Variants in TENM2 observed in about 807,000 individuals in gnomAD.
TENM2 encodes the protein teneurin-2.
Under a neutral mutation model 245.2 loss-of-function variants are expected in TENM2, and 52 were observed. That is an observed-to-expected ratio of 0.21 (90% CI 0.17 to 0.27). The LOEUF is 0.27. Ranked by LOEUF, TENM2 falls within the 10% of genes least tolerant of loss-of-function variation. TENM2 has a pLI of 1.00. For synonymous variants in TENM2, 1,363 were observed against 1,438.9 expected (o/e 0.95, Z 1.19); for missense variants, 3,046 against 3,666.8 (o/e 0.83, Z 4.37).
rs377267114 is a variant in TENM2, at chr5:167,415,538, G to A, written c.502+40065G>A. On this transcript the variant is annotated intron_variant, in intron 2 of 28. Coordinates refer to ENST00000518659, the Ensembl canonical transcript of TENM2. ...CCATTCTTGAATGGCTTACTTTGCA[G>A]TTAATCATAGAACTCTGATTTCTCT... Among the ~76,000 whole-genome samples the A allele has an allele frequency of 5.9e-5, 9 of 152,150 alleles. No homozygotes were observed. The South Asian group carries it at 1.9e-3, about 32-fold the overall frequency.
intron 2 of TENM2, among the ~76,000 whole-genome samples, chr5:167,393,110 A>G (rs1326571048): frequency 2.6e-5 from 4 of 151,584 alleles, no homozygotes; most frequent in Non-Finnish European, 5.9e-5. Flanking sequence ...CGACAGAGCA[A>G]GACTCCATCT....
At chr5:167,929,111 AAGAAAGAAAGAAAG>A (rs1778063959) in intron 3 of TENM2, among the ~76,000 whole-genome samples, 1 of 142,396 alleles carries the variant, frequency 7.0e-6, no homozygotes, top group African/African-American at 2.7e-5. Flanking sequence ...GAAAGAAAGA[AAGAAAGAAAGAAAG>A]AAAGAAAAGA....
chr5:167,728,956 A>G (rs1432416900), intron 2 of TENM2: 1 of 152,264 alleles, frequency 6.6e-6, no homozygotes, highest in Non-Finnish European at 1.5e-5. Flanking sequence ...CTACGAAGGC[A>G]AACACTTGTC....
chr5:167,281,129 A>G (rs11738027), upstream of TENM2, among the ~76,000 whole-genome samples: 133,654 of 149,378 alleles, frequency 0.89, 60,173 homozygotes, highest in East Asian at 0.98. Flanking sequence ...TTTTTTTTGA[A>G]ATGGAGTCTC....
chr5:167,698,682 T>G lies in TENM2; in HGVS notation c.503-177304T>G, dbSNP rs1420749341. Among the ~76,000 whole-genome samples the G allele has an allele frequency of 2.4e-5, 3 of 125,804 alleles. No individual in the cohort carries two copies. In the East Asian group the frequency reaches 9.7e-4, roughly 41 times the overall value. The allele number at this position is 125,804 out of a possible 152,430, so 82.5% of individuals were successfully genotyped here. On this transcript the variant is annotated intron_variant, in intron 2 of 28. Coordinates refer to ENST00000518659, the Ensembl canonical transcript of TENM2. ...TGTGTGTTTTGTTTTGTTTTTTGTT[T>G]TTTTTTTTTTTTTTTTTTTGAGACA...
chr5:167,295,923 C>T (rs113249044), intron 1 of TENM2, among the ~76,000 whole-genome samples: 347 of 152,260 alleles, frequency 2.3e-3, no homozygotes, highest in African/African-American at 8.1e-3. Context: ...AGAACAAATA[C>T]TGAGTGTGCA....
At chr5:167,513,728 C>G (rs1197582656) in intron 2 of TENM2, among the ~76,000 whole-genome samples, 1 of 152,158 alleles carries the variant, frequency 6.6e-6, no homozygotes, top group African/African-American at 2.4e-5. Flanking sequence ...CTATATCCAT[C>G]CAGCAGAAGC....
At chr5:167,887,379 A>G (rs568433747) in intron 3 of TENM2, among the ~76,000 whole-genome samples, 70 of 152,358 alleles carry the variant, frequency 4.6e-4, no homozygotes, top group African/African-American at 1.5e-3. Context: ...CTTAAGAAGG[A>G]CAATGTTAGA....
At chr5:167,072,284 C>G in the TENM2 span, among the ~76,000 whole-genome samples, 2 of 152,222 alleles carry the variant, frequency 1.3e-5, no homozygotes, top group Non-Finnish European at 2.9e-5. Flanking sequence ...CCCTCTTTAT[C>G]AAGCCCTCTT....
the TENM2 span, among the ~76,000 whole-genome samples, chr5:167,101,851 A>ATATATATATATT: frequency 2.8e-5 from 3 of 107,796 alleles, no homozygotes; most frequent in African/African-American, 1.1e-4. Flanking sequence ...ATATATATTT[A>ATATATATATATT]TATATATATA....
At chr5:167,077,097 A>G in the TENM2 span, among the ~76,000 whole-genome samples, 1 of 152,238 alleles carries the variant, frequency 6.6e-6, no homozygotes, top group Non-Finnish European at 1.5e-5. Flanking sequence ...AAGTGCTGGG[A>G]TTACAACCAT....
At chr5:167,431,732 C>T (rs1219076538) in intron 2 of TENM2, among the ~76,000 whole-genome samples, 1 of 151,618 alleles carries the variant, frequency 6.6e-6, no homozygotes, top group Non-Finnish European at 1.5e-5. Flanking sequence ...ACAAGATAAA[C>T]TTGTTTTTCC....
intron 9 of TENM2, among the ~76,000 whole-genome samples, chr5:168,113,284 C>T (rs1794825529): frequency 6.6e-6 from 1 of 152,060 alleles, no homozygotes; most frequent in Non-Finnish European, 1.5e-5. Context: ...CCTGCCACTG[C>T]ACTCCAGCCT....
chr5:167,792,080 G>T (rs1332593912), intron 2 of TENM2, among the ~76,000 whole-genome samples: 1 of 152,158 alleles, frequency 6.6e-6, no homozygotes, highest in Non-Finnish European at 1.5e-5. Context: ...TCTATCAAAA[G>T]TGGACAAGTG....
intron 2 of TENM2, chr5:167,574,094 G>T (rs932818860): frequency 1.6e-4 from 24 of 152,096 alleles, no homozygotes; most frequent in Non-Finnish European, 3.1e-4. Flanking sequence ...TTTTGTAATT[G>T]AGAAAGGCAT....
chr5:167,872,446 G>A (rs541296172), intron 2 of TENM2, among the ~76,000 whole-genome samples: 24 of 145,624 alleles, frequency 1.6e-4, no homozygotes, highest in Middle Eastern at 3.4e-3. Context: ...AAACAAGCAC[G>A]AAAGAAAGAA....
the TENM2 span, among the ~76,000 whole-genome samples, chr5:167,106,676 C>T: frequency 2.6e-5 from 4 of 151,618 alleles, no homozygotes; most frequent in Non-Finnish European, 5.9e-5. Flanking sequence ...AAGTCCTAGG[C>T]AGGGTGCACT....
the TENM2 span, among the ~76,000 whole-genome samples, chr5:167,188,050 C>A: frequency 1.3e-5 from 2 of 152,122 alleles, no homozygotes; most frequent in African/African-American, 4.8e-5. Flanking sequence ...AGCTTGGCTT[C>A]AATCTTCTCT....
At chr5:167,302,565 T>C (rs1412933208) in intron 1 of TENM2, among the ~76,000 whole-genome samples, 1 of 146,410 alleles carries the variant, frequency 6.8e-6, no homozygotes, top group Non-Finnish European at 1.5e-5. Flanking sequence ...GGTCGGGGCG[T>C]GGAAATAAGG....
Sources: allele counts gnomAD v4.1 joint callset (sites outside exome capture counted in the v4.1 genomes callset), GRCh38; gene constraint gnomAD v4.1.1; transcripts MANE v1.5; gene names NCBI Gene and HGNC (gene_info 2026-07-23, HGNC 2026-07-21).